DAGLB: variants seen among roughly 807,000 people sequenced by gnomAD.
DAGLB encodes diacylglycerol lipase beta.
In DAGLB, 66 loss-of-function variants were observed where a neutral mutation model predicts 72.1. The ratio of observed to expected loss-of-function variants is 0.92; its 90% CI spans 0.75 to 1.12. The LOEUF is 1.12. DAGLB is among the 50% of genes most tolerant of loss of function. The pLI, the probability that DAGLB is intolerant of heterozygous loss-of-function variation, is 0.00. For missense variants in DAGLB, 1,065 were observed against 884.9 expected, an observed-to-expected ratio of 1.20 and a Z score of -2.58; for synonymous variants, 414 against 359.5, an observed-to-expected ratio of 1.15 and a Z score of -1.71.
At chr7:6,427,284 T>C (rs553252247) in intron 6 of DAGLB, among the ~76,000 whole-genome samples, 1 of 152,278 alleles carries the variant, frequency 6.6e-6, no homozygotes, top group Non-Finnish European at 1.5e-5. Context: ...CTGATGTTGC[T>C]GGGAGCCAAG....
At chr7:6,414,104 A>G (rs968217181) in intron 11 of DAGLB, among the ~76,000 whole-genome samples, 1 of 151,670 alleles carries the variant, frequency 6.6e-6, no homozygotes. Flanking sequence ...TCCATCTCCC[A>G]GGTTCACGCC....
intron 4 of DAGLB, 123 bp from the exon 5 acceptor site, chr7:6,433,082 G>T: frequency 7.1e-7 from 1 of 1,404,298 alleles, no homozygotes; most frequent in Non-Finnish European, 9.3e-7. Context: ...TAGACACAGA[G>T]GTATGTTAAA....
intron 13 of DAGLB, 88 bp downstream of exon 13, chr7:6,412,723 C>G: frequency 1.4e-6 from 2 of 1,447,328 alleles, no homozygotes; most frequent in Admixed American, 2.0e-5. Context: ...GTGCCCTGCA[C>G]TGAGGGTGCA....
rs751354396 is a variant in DAGLB, at chr7:6,434,831, G to A, written c.609C>T (p.Cys203=). The change falls in exon 4 of 15, where the codon TGC becomes TGT. Residue 203 remains cysteine (C), a synonymous_variant. Transcript: ENST00000297056. Reference sequence around the variant, plus strand: ...CCCGAGTATGGTCGTCTTTCCCAATGCAACAGCACAAGAGCTTGATTCTGG... The same window carrying A: ...CCCGAGTATGGTCGTCTTTCCCAATACAACAGCACAAGAGCTTGATTCTGG... ...WETRIKLLCC[C]IGKDDHTRVA... 8 of 1,614,062 alleles carry A rather than the reference G, an allele frequency of 5.0e-6. No individual in the cohort carries two copies. Among genetic ancestry groups the A allele is most frequent in the South Asian group, 2.2e-5 (2 of 91,088 alleles).
intron 2 of DAGLB, among the ~76,000 whole-genome samples, chr7:6,439,846 G>A (rs1261477816): frequency 1.3e-5 from 2 of 152,048 alleles, no homozygotes; most frequent in East Asian, 3.9e-4. Context: ...GAGGTCAGGA[G>A]TTCGAGACCA....
intron 13 of DAGLB, among the ~76,000 whole-genome samples, chr7:6,410,923 T>C (rs1215827025): frequency 1.4e-5 from 2 of 146,588 alleles, no homozygotes; most frequent in South Asian, 2.2e-4. Context: ...CTCACTCTGT[T>C]GCCCAGGCTG....
At chr7:6,439,678 G>C (rs905384162) in intron 2 of DAGLB, among the ~76,000 whole-genome samples, 3 of 152,184 alleles carry the variant, frequency 2.0e-5, no homozygotes, top group Non-Finnish European at 4.4e-5. Context: ...AAACATGGTA[G>C]TCATAAGGGT....
rs894380808 is a variant in DAGLB at position 6,421,604 on chromosome 7, G to A, written c.1218+123C>T. Reference sequence around the variant, plus strand: ...AGGCAGCGCGGGAGGCGCAGGCAGCGCGGGAGGCGCAGGCAGCGCGGGAGG... The same window carrying A: ...AGGCAGCGCGGGAGGCGCAGGCAGCACGGGAGGCGCAGGCAGCGCGGGAGG... On this transcript the variant is annotated intron_variant, in intron 9 of 14. Transcript: ENST00000297056. The A allele has an allele frequency of 1.2e-5, 7 of 569,570 alleles. 1 individual carries two copies. The highest frequency in any genetic ancestry group is 8.3e-5 in the South Asian group (4 of 48,478). 35.3% of individuals were successfully genotyped at this position (569,570 alleles called of 1,614,324 possible). A position where few individuals can be genotyped will look rare whatever the true frequency, so the allele number is the denominator to read the frequency against.
At chr7:6,438,366 G>A (rs764529970) in intron 2 of DAGLB, among the ~76,000 whole-genome samples, 6 of 151,854 alleles carry the variant, frequency 4.0e-5, no homozygotes, top group Admixed American at 6.6e-5. Flanking sequence ...TTTTTAAAAT[G>A]CAAAAATAAA....
intron 6 of DAGLB, among the ~76,000 whole-genome samples, chr7:6,429,374 C>T (rs183941015): frequency 4.0e-5 from 6 of 151,664 alleles, no homozygotes; most frequent in African/African-American, 1.5e-4. Flanking sequence ...AAGGAAAGAA[C>T]GGCTGAGAAA....
Position 6,410,941 on chromosome 7 carries a change from G to C in DAGLB, c.1570-561C>G, listed in dbSNP as rs888787764. ...ACTCTGTTGCCCAGGCTGGAGTGCA[G>C]TGGCACAATCTTGGCTCTCTGCAAG... is the stretch of plus-strand genomic sequence containing the variant. On this transcript the variant is annotated intron_variant, in intron 13 of 14. Coordinates refer to ENST00000297056, the MANE Select transcript of DAGLB (RefSeq NM_139179.4). Among the ~76,000 whole-genome samples the C allele has an allele frequency of 6.5e-5, 9 of 139,316 alleles. No individual in the cohort carries two copies. The South Asian group carries it at 1.1e-3, about 18-fold the overall frequency. 91.4% of individuals were successfully genotyped at this position (139,316 alleles called of 152,430 possible).
chr7:6,423,042 A>C (rs967388590), intron 8 of DAGLB, among the ~76,000 whole-genome samples: 2 of 152,222 alleles, frequency 1.3e-5, no homozygotes, highest in Admixed American at 6.5e-5. Context: ...GCTACAGCCC[A>C]GGAGTCCAAG....
intron 2 of DAGLB, among the ~76,000 whole-genome samples, chr7:6,439,270 GAA>G (rs60313792): frequency 3.8e-5 from 5 of 130,126 alleles, no homozygotes; most frequent in East Asian, 2.2e-4. Context: ...GAAAAAAAAA[GAA>G]AAAAAAAAAA....
Position 6,416,753 on chromosome 7 carries a change from T to C in DAGLB, c.1301A>G (p.Glu434Gly), listed in dbSNP as rs552290749. The C allele has an allele frequency of 2.5e-6, 4 of 1,613,708 alleles. No individual in the cohort carries two copies. Among genetic ancestry groups the C allele is most frequent in the Non-Finnish European group, 3.4e-6 (4 of 1,179,824 alleles). The change falls in exon 11 of 15, where the codon GAG (glutamate) becomes GGG (glycine). Residue 434 changes from glutamate to glycine, a missense_variant and splice_region_variant. Coordinates refer to ENST00000297056, the MANE Select transcript of DAGLB (RefSeq NM_139179.4). ...GTGGCCCACTATGACCAGCCGGTACTCCTAGAGGACAGACAGCAGAATGAG... is the reference window on the plus strand; with the variant it reads ...GTGGCCCACTATGACCAGCCGGTACCCCTAGAGGACAGACAGCAGAATGAG... Reference protein sequence around the residue: ...ILSQAFSIAPEYRLVIVGHSL... With the variant: ...ILSQAFSIAPGYRLVIVGHSL...
chr7:6,426,425 A>G (rs919147507), intron 6 of DAGLB, among the ~76,000 whole-genome samples: 1 of 152,128 alleles, frequency 6.6e-6, no homozygotes, highest in Non-Finnish European at 1.5e-5. Flanking sequence ...GTGCACCTCC[A>G]TGCCCGGCTA....
At position 6,410,224 on chromosome 7, in the gene DAGLB, A is replaced by G. The variant is rs1442907965; in HGVS notation, c.1726T>C (p.Ser576Pro). ...LTRWSPAYSFSSDSPLDSSPK... is the reference protein window; with the variant it reads ...LTRWSPAYSFPSDSPLDSSPK... Reference sequence around the variant, plus strand: ...GAAGAGTCCAGTGGGGAGTCGCTGGAGAAGCTGTAGGCCGGGGACCAGCGC... The same window carrying G: ...GAAGAGTCCAGTGGGGAGTCGCTGGGGAAGCTGTAGGCCGGGGACCAGCGC... Residue 576 changes from serine (S) to proline (P), a missense_variant, in exon 14 of 15, where the codon TCC becomes CCC. Coordinates refer to ENST00000297056, the MANE Select transcript of DAGLB (RefSeq NM_139179.4). 6.2e-7 allele frequency: 1 copy of G among 1,611,160 alleles called. No homozygotes were observed.
Position 6,412,975 on chromosome 7 carries a change from A to C in DAGLB, c.1487T>G (p.Val496Gly), listed in dbSNP as rs758540406. 40 of 1,613,842 alleles carry C rather than the reference A, an allele frequency of 2.5e-5. No homozygotes were observed. The highest frequency in any genetic ancestry group is 3.4e-5 in the Non-Finnish European group (40 of 1,179,926). Reference sequence around the variant, plus strand: ...CACCAGGTGGGCTTACCTGGGAATCACATCCTTCCCCAGGACGAGTGACAC... The same window carrying C: ...CACCAGGTGGGCTTACCTGGGAATCCCATCCTTCCCCAGGACGAGTGACAC... ...FIVSLVLGKD[V>G]IPRLSVTNLE... is the part of the protein sequence containing the mutation. Residue 496 changes from valine to glycine, a missense_variant, in exon 12 of 15, where the codon GTG (valine) becomes GGG (glycine). Transcript: ENST00000297056.
At chr7:6,424,697 G>A (rs921945681) in intron 8 of DAGLB, 55 bp downstream of exon 8, 2 of 1,556,610 alleles carry the variant, frequency 1.3e-6, no homozygotes, top group Non-Finnish European at 1.8e-6. Flanking sequence ...GAGCAGCTGT[G>A]GGCTCCCGCT....
intron 9 of DAGLB, among the ~76,000 whole-genome samples, chr7:6,421,132 C>A (rs1784103541): frequency 6.6e-6 from 1 of 152,234 alleles, no homozygotes; most frequent in African/African-American, 2.4e-5. Flanking sequence ...GGGAGACTGC[C>A]TCTCAGAAAA....
Sources: allele counts gnomAD v4.1 joint callset (sites outside exome capture counted in the v4.1 genomes callset), GRCh38; gene constraint gnomAD v4.1.1; transcripts MANE v1.5; gene names NCBI Gene and HGNC (gene_info 2026-07-23, HGNC 2026-07-21).